CLTCL1: variants seen among roughly 807,000 people sequenced by gnomAD.
CLTCL1 encodes the protein clathrin heavy chain 2.
CLTCL1 carries 159 observed loss-of-function variants against 190.0 expected under a neutral mutation model. The observed-to-expected ratio is 0.84, with a 90% CI of 0.74 to 0.95. CLTCL1 has a LOEUF of 0.95. Ranked by LOEUF, CLTCL1 falls within the 40% of genes least tolerant of loss-of-function variation. CLTCL1 has a pLI of 0.00. For synonymous variants in CLTCL1, 752 were observed against 769.6 expected (o/e 0.98, Z 0.38); for missense variants, 1,878 against 2,033.4 (o/e 0.92, Z 1.47).
rs781930068 is a variant in CLTCL1, at chr22:19,233,475, C to T, written c.1315G>A (p.Val439Ile). Reference sequence around the variant, plus strand: ...AGTTGCTTACGCCCCTGCTGAAGAACCAGATGGCAAAGTTCTAAGGATTCA... The same window carrying T: ...AGTTGCTTACGCCCCTGCTGAAGAATCAGATGGCAAAGTTCTAAGGATTCA... ...KLESLELCHL[V>I]LQQGRKQLLE... Residue 439 changes from valine (V) to isoleucine (I), a missense_variant, in exon 8 of 33, where the codon GTT (valine) becomes ATT (isoleucine). Coordinates refer to ENST00000427926, the MANE Select transcript of CLTCL1 (RefSeq NM_007098.4). The T allele has an allele frequency of 1.9e-6, 3 of 1,613,854 alleles. No individual in the cohort carries two copies. Among genetic ancestry groups the T allele is most frequent in the Admixed American group, 3.3e-5 (2 of 59,972 alleles).
At position 19,234,671 on chromosome 22, in the gene CLTCL1, C is replaced by T. The variant is rs781940166; in HGVS notation, c.1005G>A (p.Val335=). ...TCTGAAGCACGTTGGTTGCATAATT[C>T]ACAATGTTATCTTCCTCAACACAAA... is the stretch of plus-strand genomic sequence containing the variant. The part of the protein sequence containing the change: ...LSVCVEEDNI[V]NYATNVLQNP... The change falls in exon 7 of 33, where the codon GTG becomes GTA. Residue 335 remains valine, a synonymous_variant. Coordinates refer to ENST00000427926, the MANE Select transcript of CLTCL1 (RefSeq NM_007098.4). The T allele has an allele frequency of 6.2e-7, 1 of 1,614,002 alleles. No individual in the cohort carries two copies. The highest frequency in any genetic ancestry group is 1.1e-5 in the South Asian group (1 of 91,078).
At chr22:19,180,608 T>TC (rs2084101532) in intron 31 of CLTCL1, 123 bp downstream of exon 31, 1 of 902,046 alleles carries the variant, frequency 1.1e-6, no homozygotes, top group African/African-American at 1.6e-5. Flanking sequence ...GCCACTGGGA[T>TC]CCTTCCAGCC....
In CLTCL1 at chr22:19,233,225, C is replaced by A; in HGVS notation, c.1462G>T (p.Val488Leu). Reference protein sequence around the residue: ...VYLRANVPSKVIQCFAETGQF... With the variant: ...VYLRANVPSKLIQCFAETGQF... ...CCTGTTTCTGCAAAACACTGGATCA[C>A]TTTGCTTGGCACATTTGCCCGAAGG... is the stretch of plus-strand genomic sequence containing the variant. The change falls in exon 9 of 33, where the codon GTG becomes TTG. Residue 488 changes from valine (V) to leucine (L), a missense_variant. Val to Leu is a conservative substitution (Grantham distance 32). Transcript: ENST00000427926. The A allele has an allele frequency of 6.2e-7, 1 of 1,614,022 alleles. No homozygotes were observed.
At chr22:19,288,706 G>A (rs1555991554) in intron 1 of CLTCL1, among the ~76,000 whole-genome samples, 2 of 152,290 alleles carry the variant, frequency 1.3e-5, no homozygotes, top group African/African-American at 2.4e-5. Flanking sequence ...GAAAACACTC[G>A]GATGGCTTGG....
chr22:19,262,110 C>G (rs2086967575), intron 2 of CLTCL1, among the ~76,000 whole-genome samples: 1 of 151,970 alleles, frequency 6.6e-6, no homozygotes, highest in African/African-American at 2.4e-5. Flanking sequence ...ACTGCAACCT[C>G]CACCTCCCGG....
chr22:19,230,095 TTGG>T (rs1381336112), intron 10 of CLTCL1, 120 bp from the exon 11 acceptor site: 30 of 791,606 alleles, frequency 3.8e-5, no homozygotes, highest in Non-Finnish European at 4.8e-5. Flanking sequence ...GTTCCCTCCC[TTGG>T]TTTTTTTTTT....
chr22:19,285,336 G>A (rs1345395547), intron 1 of CLTCL1, among the ~76,000 whole-genome samples: 1 of 152,074 alleles, frequency 6.6e-6, no homozygotes, highest in African/African-American at 2.4e-5. Context: ...GCCTAAAGAG[G>A]GAGCTCTGTA....
chr22:19,291,703 G>T lies in CLTCL1; in HGVS notation c.-62C>A. 2 of 1,308,894 alleles carry T rather than the reference G, an allele frequency of 1.5e-6. No individual in the cohort carries two copies. Among genetic ancestry groups the T allele is most frequent in the South Asian group, 2.1e-5 (1 of 46,756 alleles). 81.1% of individuals were successfully genotyped at this position (1,308,894 alleles called of 1,614,324 possible). On this transcript the variant is annotated 5_prime_UTR_variant, in exon 1 of 33. Transcript: ENST00000427926. ...GCAGGAATGAACGCCGACCCCTCGC[G>T]CGGGCTGACCGGTGGCGACGGCGCA...
rs539835003 is a variant in CLTCL1, at chr22:19,235,447, T to C, written c.969+249A>G. On this transcript the variant is annotated intron_variant, in intron 6 of 32. Transcript: ENST00000427926. ...AGTTAGGGTGTGCATGGTATAAAGA[T>C]GATGTGCATCAGAACTGCTGTTCTA... Among the ~76,000 whole-genome samples, 39 of 152,342 alleles carry C rather than the reference T, an allele frequency of 2.6e-4. 1 individual carries two copies. Among genetic ancestry groups the C allele is most frequent in the East Asian group, 1.2e-3 (6 of 5,186 alleles).
intron 7 of CLTCL1, 95 bp from the exon 8 acceptor site, chr22:19,233,717 G>T: frequency 9.2e-7 from 1 of 1,092,810 alleles, no homozygotes; most frequent in Non-Finnish European, 1.3e-6. Context: ...TCTGCCAGTG[G>T]AAATTCCACA....
At chr22:19,258,865 A>G in intron 2 of CLTCL1, 1 of 486,220 alleles carries the variant, frequency 2.1e-6, no homozygotes, top group South Asian at 2.4e-5. Flanking sequence ...TTCACAGGTT[A>G]AAAAAAACCC....
At chr22:19,290,309 G>A (rs1324454126) in intron 1 of CLTCL1, among the ~76,000 whole-genome samples, 1 of 152,150 alleles carries the variant, frequency 6.6e-6, no homozygotes. Flanking sequence ...AGTGACCCAT[G>A]GTAGAAAACA....
intron 19 of CLTCL1, among the ~76,000 whole-genome samples, chr22:19,215,875 G>A (rs2085368628): frequency 6.6e-6 from 1 of 152,232 alleles, no homozygotes; most frequent in South Asian, 2.1e-4. Context: ...AGAGCAGTAA[G>A]AGGAGCGCAG....
chr22:19,211,825 T>TA lies in CLTCL1; in HGVS notation c.3066-1317dup, dbSNP rs201586369. Among the ~76,000 whole-genome samples the TA allele has an allele frequency of 9.0e-3, 1,202 of 133,352 alleles. 12 individuals carry two copies. Among genetic ancestry groups the TA allele is most frequent in the Non-Finnish European group, 0.012 (719 of 62,366 alleles). The allele number at this position is 133,352 out of a possible 152,430, so 87.5% of individuals were successfully genotyped here. A position where few individuals can be genotyped will look rare whatever the true frequency, so the allele number is the denominator to read the frequency against. On this transcript the variant is annotated intron_variant, in intron 19 of 32. Coordinates refer to ENST00000427926, the MANE Select transcript of CLTCL1 (RefSeq NM_007098.4). ...CCAATTTGCAGCCAACATGATTGAT[T>TA]AAAAAAAACTGAAGAAATCTACAAA...
At chr22:19,219,841 C>T (rs202018602) in intron 18 of CLTCL1, 44 bp downstream of exon 18, 114 of 1,607,578 alleles carry the variant, frequency 7.1e-5, no homozygotes, top group Non-Finnish European at 8.4e-5. Flanking sequence ...GATGATCGGA[C>T]GGCAAAATGC....
chr22:19,222,192 C>A (rs1197060057), intron 15 of CLTCL1, 99 bp from the exon 16 acceptor site: 11 of 1,270,636 alleles, frequency 8.7e-6, no homozygotes, highest in African/African-American at 1.5e-5. Flanking sequence ...CCTGAAAGGG[C>A]TCCTGTTTAG....
rs536197064 is a variant in CLTCL1, at chr22:19,272,149, AAGC to A, written c.250+3471_250+3473del. On this transcript the variant is annotated intron_variant, in intron 2 of 32. Coordinates refer to ENST00000427926, the MANE Select transcript of CLTCL1 (RefSeq NM_007098.4). ...AAAACATTCCTAGTTCAGGAGCAAAAAGCAGACCGTTTGCCAATCCCTCAGTTA... is the reference window on the plus strand; with the variant it reads ...AAAACATTCCTAGTTCAGGAGCAAAAAGACCGTTTGCCAATCCCTCAGTTA... 4.9e-4 allele frequency among the ~76,000 whole-genome samples: 74 copies of A among 152,314 alleles called. 1 individual carries two copies. Among genetic ancestry groups the A allele is most frequent in the African/African-American group, 1.7e-3 (70 of 41,564 alleles).
Position 19,201,492 on chromosome 22 carries a change from A to C in CLTCL1, c.3602T>G (p.Val1201Gly), listed in dbSNP as rs112507727. ...TCCCTCCTCGTAACAGCGGTCTCCAACCTACGGATAATAGGGTAGCTCGAC... is the reference window on the plus strand; with the variant it reads ...TCCCTCCTCGTAACAGCGGTCTCCACCCTACGGATAATAGGGTAGCTCGAC... The part of the protein sequence containing the change: ...NGPNNAHIQQ[V>G]GDRCYEEGMY... The change falls in exon 23 of 33, where the codon GTT becomes GGT. Residue 1201 changes from valine to glycine, a missense_variant and splice_region_variant. Coordinates refer to ENST00000427926, the MANE Select transcript of CLTCL1 (RefSeq NM_007098.4). 3 of 1,611,164 alleles carry C rather than the reference A, an allele frequency of 1.9e-6. No individual in the cohort carries two copies. The highest frequency in any genetic ancestry group is 1.7e-6 in the Non-Finnish European group (2 of 1,177,786).
chr22:19,288,599 G>A (rs536729143), intron 1 of CLTCL1, among the ~76,000 whole-genome samples: 1 of 152,326 alleles, frequency 6.6e-6, no homozygotes, highest in East Asian at 1.9e-4. Flanking sequence ...CAGCCAGTAA[G>A]TGCCTGAGTC....
Sources: gnomAD v4.1 joint callset for allele counts (sites outside exome capture counted in the v4.1 genomes callset) on GRCh38, gnomAD v4.1.1 for gene constraint, MANE v1.5 for transcripts, NCBI Gene and HGNC (gene_info 2026-07-23, HGNC 2026-07-21) for gene names.